Variants in CPNE2 observed in about 807,000 individuals in gnomAD.
CPNE2 encodes the protein copine 2, also known as copine-2.
In CPNE2, 42 loss-of-function variants were observed where a neutral mutation model predicts 69.7. That is an observed-to-expected ratio of 0.60 (90% CI 0.47 to 0.78). CPNE2 has a LOEUF of 0.78. Ranked by LOEUF, CPNE2 falls within the 30% of genes least tolerant of loss-of-function variation. The pLI is 0.00. For synonymous variants in CPNE2, 294 were observed against 289.8 expected (o/e 1.01, Z -0.15); for missense variants, 587 against 732.0 (o/e 0.80, Z 2.29).
rs2305701 is a variant in CPNE2 at position 57,113,476 on chromosome 16, G to T, written c.360+9G>T. On this transcript the variant is annotated intron_variant, in intron 3 of 15. Coordinates refer to ENST00000290776, the MANE Select transcript of CPNE2 (RefSeq NM_152727.6). Reference sequence around the variant, plus strand: ...CCTGCAGCCTGGGCACGGTGAGCTGGGCCCTCCTGGGTGGGAGCAGGGGCC... The same window carrying T: ...CCTGCAGCCTGGGCACGGTGAGCTGTGCCCTCCTGGGTGGGAGCAGGGGCC... 112,231 of 1,611,756 alleles carry T rather than the reference G, an allele frequency of 0.07. 7,619 individuals are homozygous for T. Among genetic ancestry groups the T allele is most frequent in the East Asian group, 0.29 (12,790 of 44,780 alleles).
chr16:57,129,507 G>A (rs2069823355), intron 12 of CPNE2, among the ~76,000 whole-genome samples: 1 of 152,180 alleles, frequency 6.6e-6, no homozygotes. Flanking sequence ...AGATGGTAAG[G>A]TGGGAGTCCC....
intron 1 of CPNE2, among the ~76,000 whole-genome samples, chr16:57,098,907 G>T (rs2069595583): frequency 6.6e-6 from 1 of 152,212 alleles, no homozygotes; most frequent in African/African-American, 2.4e-5. Flanking sequence ...AAATAGGAAG[G>T]GCTTTGTAGA....
At chr16:57,106,564 A>G (rs1259708957) in intron 1 of CPNE2, among the ~76,000 whole-genome samples, 1 of 152,192 alleles carries the variant, frequency 6.6e-6, no homozygotes, top group African/African-American at 2.4e-5. Flanking sequence ...GTAAATGGAC[A>G]AGGAAGCAGG....
intron 14 of CPNE2, chr16:57,143,161 A>G (rs2069934715): frequency 6.6e-6 from 1 of 152,230 alleles, no homozygotes; most frequent in South Asian, 2.1e-4. Flanking sequence ...GGGCTGTGTA[A>G]TAGACGTTTG....
At chr16:57,141,284 C>T (rs1433347485) in intron 14 of CPNE2, 1 of 152,228 alleles carries the variant, frequency 6.6e-6, no homozygotes, top group Admixed American at 6.5e-5. Context: ...GGAGAGCTCC[C>T]CAGAGGGAAG....
intron 12 of CPNE2, among the ~76,000 whole-genome samples, chr16:57,132,675 G>T: frequency 6.6e-6 from 1 of 152,182 alleles, no homozygotes; most frequent in East Asian, 1.9e-4. Context: ...CCAGGAACTT[G>T]TTCTGTTTAT....
Position 57,119,236 on chromosome 16 carries a change from G to C in CPNE2, c.549G>C (p.Lys183Asn). 1 of 1,614,134 alleles carries C rather than the reference G, an allele frequency of 6.2e-7. No homozygotes were observed. ...GKSDPFLEFY[K>N]PGDDGKWMLV... ...CAGACCCCTTTCTGGAGTTTTATAA[G>C]CCAGGAGACGATGGCAAGTGGATGC... Residue 183 changes from lysine to asparagine, a missense_variant, in exon 6 of 16, where the codon AAG (lysine) becomes AAC (asparagine). Coordinates refer to ENST00000290776, the MANE Select transcript of CPNE2 (RefSeq NM_152727.6).
intron 3 of CPNE2, among the ~76,000 whole-genome samples, chr16:57,114,120 T>C (rs1306911574): frequency 6.6e-6 from 1 of 152,226 alleles, no homozygotes; most frequent in East Asian, 1.9e-4. Context: ...ATGGTGACCA[T>C]GCAGAAAGCA....
At chr16:57,137,017 C>G (rs1345535761) in intron 13 of CPNE2, 132 bp from the exon 14 acceptor site, 4 of 1,324,752 alleles carry the variant, frequency 3.0e-6, no homozygotes, top group Admixed American at 2.5e-5. Context: ...TCCAGTCTGT[C>G]TCACAAGGCC....
rs2069832013 is a variant in CPNE2, at chr16:57,130,740, T to C, written c.1116+2837T>C. 1.3e-5 allele frequency among the ~76,000 whole-genome samples: 2 copies of C among 151,984 alleles called. No homozygotes were observed. The highest frequency in any genetic ancestry group is 2.9e-5 in the Non-Finnish European group (2 of 68,024). ...TCACTGACCATGGCTGGGGCCATTA[T>C]GGCAGAGACAAGATGGGGAGGGGAG... is the stretch of plus-strand genomic sequence containing the variant. On this transcript the variant is annotated intron_variant, in intron 12 of 15. Coordinates refer to ENST00000290776, the MANE Select transcript of CPNE2 (RefSeq NM_152727.6). The surrounding 1 kb of genome is among the most constrained non-coding windows in gnomAD (Gnocchi z 4.1).
At chr16:57,122,450 C>T (rs981712452) in intron 9 of CPNE2, among the ~76,000 whole-genome samples, 1 of 152,188 alleles carries the variant, frequency 6.6e-6, no homozygotes, top group Non-Finnish European at 1.5e-5. Context: ...AAAAGCACTC[C>T]GTTAAAGGTC....
intron 1 of CPNE2, chr16:57,110,481 G>A (rs2069673808): frequency 1.4e-5 from 3 of 220,452 alleles, no homozygotes; most frequent in Non-Finnish European, 2.7e-5. Context: ...CTCCCCAAGT[G>A]CTGAGATTAT....
intron 10 of CPNE2, chr16:57,124,714 C>A: frequency 3.9e-6 from 1 of 254,254 alleles, no homozygotes; most frequent in Non-Finnish European, 8.0e-6. Context: ...CACGCTCTGC[C>A]CACCTCCCCA....
At position 57,121,703 on chromosome 16, in the gene CPNE2, G is replaced by A. The variant is rs1349523324; in HGVS notation, c.810G>A (p.Lys270=). 6.2e-7 allele frequency: 1 copy of A among 1,614,184 alleles called. No homozygotes were observed. The highest frequency in any genetic ancestry group is 1.1e-5 in the South Asian group (1 of 91,082). Residue 270 remains lysine (K), a synonymous_variant, in exon 9 of 16, where the codon AAG becomes AAA. Coordinates refer to ENST00000290776, the MANE Select transcript of CPNE2 (RefSeq NM_152727.6). ...PLEFECINPK[K]QRKKKNYKNS... ...AGTTCGAGTGCATCAACCCCAAGAAGCAGAGGAAGAAGAAGAACTATAAAA... is the reference window on the plus strand; with the variant it reads ...AGTTCGAGTGCATCAACCCCAAGAAACAGAGGAAGAAGAAGAACTATAAAA...
At chr16:57,117,761 G>C (rs1330911545) in intron 5 of CPNE2, among the ~76,000 whole-genome samples, 194 bp downstream of exon 5, 1 of 152,120 alleles carries the variant, frequency 6.6e-6, no homozygotes, top group Non-Finnish European at 1.5e-5. Context: ...ATCCCTTAGG[G>C]GTATTCAAAA....
intron 1 of CPNE2, among the ~76,000 whole-genome samples, chr16:57,101,116 A>G (rs1045020521): frequency 5.3e-5 from 8 of 152,198 alleles, no homozygotes; most frequent in Non-Finnish European, 1.2e-4. Context: ...AGGTTTCTCA[A>G]AGACGGAATT....
In CPNE2 at chr16:57,121,237, G is replaced by C. The variant is rs542417493; in HGVS notation, c.780+46G>C. On this transcript the variant is annotated intron_variant, in intron 8 of 15. Coordinates refer to ENST00000290776, the MANE Select transcript of CPNE2 (RefSeq NM_152727.6). ...GTAACCCCAAGACCTCAGCAGGGCT[G>C]GGGGAAGGGGCACCGGGTCTTGGGT... The C allele has an allele frequency of 5.6e-5, 86 of 1,535,880 alleles. No individual in the cohort carries two copies. The Admixed American group carries it at 7.0e-4, about 12-fold the overall frequency.
At chr16:57,097,865 C>T (rs7185221) in intron 1 of CPNE2, among the ~76,000 whole-genome samples, 9,744 of 152,280 alleles carry the variant, frequency 0.064, 520 homozygotes, top group East Asian at 0.13. Flanking sequence ...TCAGAGTCTC[C>T]GGAGAGCCAC....
intron 3 of CPNE2, among the ~76,000 whole-genome samples, chr16:57,114,746 T>C (rs1193118845): frequency 6.6e-6 from 1 of 152,012 alleles, no homozygotes; most frequent in Non-Finnish European, 1.5e-5. Context: ...TTTTCCTCTC[T>C]ATGTTGTTTT....
Sources: gnomAD v4.1 joint callset for allele counts (sites outside exome capture counted in the v4.1 genomes callset) on GRCh38, gnomAD v4.1.1 for gene constraint, Gnocchi (gnomAD v3.1) non-coding constraint, MANE v1.5 for transcripts, NCBI Gene and HGNC (gene_info 2026-07-23, HGNC 2026-07-21) for gene names.